NTM: variants seen among roughly 807,000 people sequenced by gnomAD.
NTM encodes IgLON family member 2.
NTM carries 13 observed loss-of-function variants against 42.1 expected under a neutral mutation model. The observed-to-expected ratio is 0.31, with a 90% CI of 0.20 to 0.49. NTM has a LOEUF of 0.49. NTM is among the 20% of genes least tolerant of loss of function. NTM has a pLI of 0.99. For missense variants in NTM, 373 were observed against 452.8 expected (o/e 0.82, Z 1.60); for synonymous variants, 187 against 179.2 (o/e 1.04, Z -0.35).
chr11:131,508,733 T>C (rs1362891135), intron 1 of NTM, among the ~76,000 whole-genome samples: 1 of 150,804 alleles, frequency 6.6e-6, no homozygotes, highest in East Asian at 1.9e-4. Context: ...ATGTCCTTTG[T>C]AGGGACATGG....
At chr11:132,234,898 TTAGAAA>T (rs2088469167) in intron 4 of NTM, among the ~76,000 whole-genome samples, 1 of 152,248 alleles carries the variant, frequency 6.6e-6, no homozygotes, top group Non-Finnish European at 1.5e-5. Flanking sequence ...AACTGAGCCT[TTAGAAA>T]TAGATTTTCA....
At chr11:131,581,325 A>C (rs1236920536) in intron 1 of NTM, among the ~76,000 whole-genome samples, 1 of 152,190 alleles carries the variant, frequency 6.6e-6, no homozygotes, top group Non-Finnish European at 1.5e-5. Flanking sequence ...GGACCACAAG[A>C]TATTACTGAA....
chr11:132,279,709 A>G (rs1041797702), intron 4 of NTM, among the ~76,000 whole-genome samples: 1 of 152,040 alleles, frequency 6.6e-6, no homozygotes, highest in African/African-American at 2.4e-5. Context: ...TCTTCTATTA[A>G]TATTTCCCTA....
intron 1 of NTM, among the ~76,000 whole-genome samples, chr11:131,373,589 C>T (rs553912761): frequency 4.6e-5 from 7 of 151,984 alleles, no homozygotes; most frequent in African/African-American, 1.7e-4. Flanking sequence ...TAAGTGGAGG[C>T]ATCTCGTTGC....
intron 2 of NTM, among the ~76,000 whole-genome samples, chr11:132,039,247 T>G (rs1251753212): frequency 6.6e-6 from 1 of 152,120 alleles, no homozygotes; most frequent in Non-Finnish European, 1.5e-5. Context: ...TATTTTTCCT[T>G]TGTTTCATAG....
intron 1 of NTM, among the ~76,000 whole-genome samples, chr11:131,420,714 G>T (rs768459332): frequency 6.6e-6 from 1 of 152,186 alleles, no homozygotes; most frequent in Non-Finnish European, 1.5e-5. Context: ...CAAGGCTTGG[G>T]CATCTGGAAG....
chr11:132,000,063 C>A (rs927749214), intron 2 of NTM, among the ~76,000 whole-genome samples: 1 of 152,136 alleles, frequency 6.6e-6, no homozygotes, highest in African/African-American at 2.4e-5. Context: ...ACCAAAGCAA[C>A]TCTTGGAGTT....
At chr11:132,187,972 G>C (rs555769911) in intron 3 of NTM, among the ~76,000 whole-genome samples, 5 of 152,294 alleles carry the variant, frequency 3.3e-5, no homozygotes, top group African/African-American at 1.2e-4. Context: ...ATGAGACATA[G>C]CATAACAGAA....
At chr11:131,770,810 ATT>A (rs1002031531) in intron 1 of NTM, 4 of 151,982 alleles carry the variant, frequency 2.6e-5, no homozygotes, top group African/African-American at 9.7e-5. Context: ...CCTCACTCTC[ATT>A]TGCCACTGTT....
chr11:131,992,611 C>G (rs74421206), intron 2 of NTM, among the ~76,000 whole-genome samples: 2,472 of 152,282 alleles, frequency 0.016, 71 homozygotes, highest in African/African-American at 0.057. Context: ...ACTGCTTACT[C>G]TACTTCTCTA....
chr11:131,964,201 G>A (rs182022073), intron 2 of NTM, among the ~76,000 whole-genome samples: 98 of 152,232 alleles, frequency 6.4e-4, no homozygotes, highest in African/African-American at 1.9e-3. Context: ...CAGGGAAACC[G>A]CGTGTGCAGA....
intron 2 of NTM, among the ~76,000 whole-genome samples, chr11:132,043,701 G>A (rs75669036): frequency 0.029 from 4,412 of 152,274 alleles, 227 homozygotes; most frequent in African/African-American, 0.099. Context: ...GCTGGCAGAC[G>A]CAAACAAGCC....
At chr11:131,373,106 C>T (rs2135468729) in intron 1 of NTM, among the ~76,000 whole-genome samples, 1 of 152,280 alleles carries the variant, frequency 6.6e-6, no homozygotes, top group East Asian at 1.9e-4. Context: ...AGAACGACCC[C>T]CAAAGACCCG....
At chr11:131,899,964 A>G (rs2052890584) in intron 1 of NTM, among the ~76,000 whole-genome samples, 1 of 152,268 alleles carries the variant, frequency 6.6e-6, no homozygotes, top group Admixed American at 6.5e-5. Flanking sequence ...CTTAAATACA[A>G]CAAATATTTA....
At chr11:132,077,827 C>T (rs978298353) in intron 2 of NTM, among the ~76,000 whole-genome samples, 1 of 152,208 alleles carries the variant, frequency 6.6e-6, no homozygotes, top group African/African-American at 2.4e-5. Flanking sequence ...TCTCAAACTC[C>T]TTGCCTCAAG....
intron 2 of NTM, among the ~76,000 whole-genome samples, chr11:131,987,582 C>A (rs1179049128): frequency 6.6e-6 from 1 of 152,138 alleles, no homozygotes; most frequent in Non-Finnish European, 1.5e-5. Flanking sequence ...AAGATTTAGA[C>A]CACAAAGTGA....
At chr11:132,323,224 A>C (rs1425152989) in intron 7 of NTM, among the ~76,000 whole-genome samples, 1 of 151,176 alleles carries the variant, frequency 6.6e-6, no homozygotes, top group Non-Finnish European at 1.5e-5. Flanking sequence ...CCCTTCAAAA[A>C]ATTGATGAAT....
chr11:131,808,717 G>A (rs1452094760), intron 1 of NTM, among the ~76,000 whole-genome samples: 3 of 152,138 alleles, frequency 2.0e-5, no homozygotes, highest in East Asian at 1.9e-4. Context: ...GAGACAGCAC[G>A]TGCAAAGCTT....
chr11:132,172,643 C>T (rs1223237323), intron 3 of NTM, among the ~76,000 whole-genome samples: 1 of 152,306 alleles, frequency 6.6e-6, no homozygotes, highest in African/African-American at 2.4e-5. Context: ...AGCATGTAGC[C>T]TCACAAGATA....
Sources: gnomAD v4.1 joint callset for allele counts (sites outside exome capture counted in the v4.1 genomes callset) on GRCh38, gnomAD v4.1.1 for gene constraint, MANE v1.5 for transcripts, NCBI Gene and HGNC (gene_info 2026-07-23, HGNC 2026-07-21) for gene names.